The following KIF6 variants were observed in gnomAD, a reference collection of about 807,000 sequenced individuals.
KIF6 encodes the protein kinesin-like protein KIF6.
In KIF6, 106 loss-of-function variants were observed where a neutral mutation model predicts 112.7. The ratio of observed to expected loss-of-function variants is 0.94; its 90% CI spans 0.80 to 1.11. KIF6 has a LOEUF of 1.11. Ranked by LOEUF, KIF6 falls within the 50% of genes least tolerant of loss-of-function variation. The probability of loss-of-function intolerance (pLI) is 0.00; values close to 1 mark genes in which losing one functional copy is unlikely to be tolerated. For synonymous variants in KIF6, 339 were observed against 339.9 expected (o/e 1.00, Z 0.03); for missense variants, 929 against 964.0 (o/e 0.96, Z 0.48).
chr6:39,525,808 G>GATAAATAAATAAATAA (rs55659921), intron 13 of KIF6, among the ~76,000 whole-genome samples: 2 of 147,550 alleles, frequency 1.4e-5, no homozygotes, highest in African/African-American at 5.0e-5. Context: ...TAACTAAATA[G>GATAAATAAATAAATAA]ATAAATAAAT....
At position 39,578,113 on chromosome 6, in the gene KIF6, A is replaced by C; in HGVS notation, c.1124T>G (p.Leu375Arg). The C allele has an allele frequency of 6.2e-7, 1 of 1,614,146 alleles. No individual in the cohort carries two copies. The highest frequency in any genetic ancestry group is 2.2e-5 in the East Asian group (1 of 44,886). Residue 375 changes from leucine (L) to arginine (R), a missense_variant, in exon 10 of 23, where the codon CTG becomes CGG. Around this residue, in one of 2 missense-constraint regions of KIF6, gnomAD observed 688 missense variants for 662.7 expected, o/e 1.04. Coordinates refer to ENST00000287152, the MANE Select transcript of KIF6 (RefSeq NM_145027.6). ...QKEIQELKDE[L>R]AMVTGEQRTE... is the part of the protein sequence containing the mutation. ...CCTCTGCTCCCCAGTGACCATGGCC[A>C]GTTCATCCTTCAGTTCCTGGATTTC...
At chr6:39,591,964 T>C (rs1374996362) in intron 7 of KIF6, among the ~76,000 whole-genome samples, 1 of 152,016 alleles carries the variant, frequency 6.6e-6, no homozygotes, top group Admixed American at 6.6e-5. Context: ...TACAAAAAAT[T>C]AGCCAGGTGT....
chr6:39,434,038 T>C lies in KIF6; in HGVS notation c.1646-2877A>G, dbSNP rs138891755. On this transcript the variant is annotated intron_variant, in intron 13 of 22. Transcript: ENST00000287152. The stretch of plus-strand genomic sequence containing the variant: ...TTTAGAAAACAGGCTCTTTCTCCTA[T>C]GGCAGTTCCCGTCCCTGAGCATGCA... Among the ~76,000 whole-genome samples, 889 of 152,288 alleles carry C rather than the reference T, an allele frequency of 5.8e-3. 8 individuals carry two copies. The highest frequency in any genetic ancestry group is 0.041 in the Middle Eastern group (12 of 294).
At chr6:39,695,236 C>A (rs1447339516) in intron 3 of KIF6, among the ~76,000 whole-genome samples, 1 of 152,068 alleles carries the variant, frequency 6.6e-6, no homozygotes, top group African/African-American at 2.4e-5. Context: ...CTAGGAAATA[C>A]CCTTCTAGAC....
chr6:39,720,710 G>A lies in KIF6; in HGVS notation c.168C>T (p.Tyr56=). The A allele has an allele frequency of 6.4e-7, 1 of 1,553,064 alleles. No homozygotes were observed. Among genetic ancestry groups the A allele is most frequent in the Non-Finnish European group, 8.9e-7 (1 of 1,125,180 alleles). The part of the protein sequence containing the change: ...DGFVNNKRES[Y]KFKFQRIFDQ... Reference sequence around the variant, plus strand: ...GAGAAAGAAAAACTTACTTAAATTTGTAGCTTTCTCGCTTATTATTCACAA... The same window carrying A: ...GAGAAAGAAAAACTTACTTAAATTTATAGCTTTCTCGCTTATTATTCACAA... The change falls in exon 2 of 23, where the codon TAC becomes TAT. Residue 56 remains tyrosine (Y), a synonymous_variant. Coordinates refer to ENST00000287152, the MANE Select transcript of KIF6 (RefSeq NM_145027.6).
chr6:39,487,318 A>G (rs1377334899), intron 13 of KIF6, among the ~76,000 whole-genome samples: 1 of 152,190 alleles, frequency 6.6e-6, no homozygotes, highest in Non-Finnish European at 1.5e-5. Flanking sequence ...GCTGGCCCAC[A>G]GATGTCAGAG....
At chr6:39,644,622 T>C (rs62403327) in intron 3 of KIF6, among the ~76,000 whole-genome samples, 7,133 of 152,056 alleles carry the variant, frequency 0.047, 265 homozygotes, top group Admixed American at 0.068. Flanking sequence ...TCCATAGAGA[T>C]AGAAAGTAGG....
At chr6:39,696,517 T>G (rs923453182) in intron 3 of KIF6, among the ~76,000 whole-genome samples, 4 of 152,134 alleles carry the variant, frequency 2.6e-5, no homozygotes, top group Admixed American at 2.6e-4. Context: ...ACTGCCTACC[T>G]GCAGGTTTCT....
intron 4 of KIF6, among the ~76,000 whole-genome samples, chr6:39,639,033 A>G (rs555001528): frequency 2.3e-4 from 35 of 152,110 alleles, no homozygotes; most frequent in Non-Finnish European, 4.6e-4. Flanking sequence ...CAGTATTCCC[A>G]ACTGTGAAAT....
chr6:39,699,247 T>C (rs917265721), intron 3 of KIF6, among the ~76,000 whole-genome samples: 1 of 150,234 alleles, frequency 6.7e-6, no homozygotes, highest in African/African-American at 2.5e-5. Context: ...GGTAGGGGAG[T>C]GAGGAATGCC....
intron 13 of KIF6, among the ~76,000 whole-genome samples, chr6:39,529,686 G>A (rs890237657): frequency 3.9e-5 from 6 of 152,044 alleles, no homozygotes; most frequent in Admixed American, 6.6e-5. Flanking sequence ...ACTTGGGAGG[G>A]TGAGGCAGGA....
intron 13 of KIF6, among the ~76,000 whole-genome samples, chr6:39,460,694 A>G (rs571598197): frequency 9.8e-4 from 149 of 152,290 alleles, no homozygotes; most frequent in African/African-American, 3.3e-3. Flanking sequence ...GAGAGAAAAC[A>G]TGTATCAACC....
intron 15 of KIF6, among the ~76,000 whole-genome samples, chr6:39,395,549 T>C (rs1357324767): frequency 1.3e-5 from 2 of 152,216 alleles, no homozygotes; most frequent in African/African-American, 4.8e-5. Context: ...GAGGAGTAGC[T>C]GTAGTTCACA....
chr6:39,616,776 A>G (rs1296167541), intron 5 of KIF6, among the ~76,000 whole-genome samples: 1 of 152,208 alleles, frequency 6.6e-6, no homozygotes, highest in Non-Finnish European at 1.5e-5. Flanking sequence ...TGCCCTGGGC[A>G]CTACGTCTAT....
At chr6:39,379,238 C>T (rs912877469) in intron 16 of KIF6, among the ~76,000 whole-genome samples, 4 of 152,160 alleles carry the variant, frequency 2.6e-5, no homozygotes, top group African/African-American at 7.2e-5. Flanking sequence ...AATTTATTGC[C>T]TGTGTGTTGT....
At chr6:39,495,307 G>C (rs147675957) in intron 13 of KIF6, among the ~76,000 whole-genome samples, 4 of 152,272 alleles carry the variant, frequency 2.6e-5, no homozygotes, top group Admixed American at 6.5e-5. Flanking sequence ...TTGCAGCAGC[G>C]AGAGTGCAGC....
At chr6:39,634,812 G>C in intron 5 of KIF6, 37 bp downstream of exon 5, 1 of 1,178,616 alleles carries the variant, frequency 8.5e-7, no homozygotes, top group South Asian at 1.2e-5. Flanking sequence ...ACATCTGAAA[G>C]TAATTTCCCT....
chr6:39,546,634 T>C, intron 10 of KIF6, among the ~76,000 whole-genome samples: 1 of 152,124 alleles, frequency 6.6e-6, no homozygotes, highest in South Asian at 2.1e-4. Context: ...AAGACCAGCC[T>C]GACCAACAGA....
At chr6:39,429,714 G>T (rs7763524) in intron 14 of KIF6, among the ~76,000 whole-genome samples, 5 of 152,036 alleles carry the variant, frequency 3.3e-5, no homozygotes, top group East Asian at 3.9e-4. Flanking sequence ...TGAGACCATC[G>T]TGGCTAACAC....
Sources: gnomAD v4.1 joint callset for allele counts (sites outside exome capture counted in the v4.1 genomes callset) on GRCh38, gnomAD v4.1.1 for gene constraint, gnomAD v4.1.1 regional missense constraint, MANE v1.5 for transcripts, NCBI Gene and HGNC (gene_info 2026-07-23, HGNC 2026-07-21) for gene names.